The following HHAT variants were observed in gnomAD, a reference collection of about 807,000 sequenced individuals.
HHAT encodes the protein protein-cysteine N-palmitoyltransferase HHAT.
A neutral mutation model predicts 70.8 loss-of-function variants in HHAT; 47 were observed. The observed-to-expected ratio is 0.66, with a 90% CI of 0.53 to 0.85. HHAT has a LOEUF of 0.85. Ranked by LOEUF, HHAT falls within the 40% of genes least tolerant of loss-of-function variation. The pLI, the probability that HHAT is intolerant of heterozygous loss-of-function variation, is 0.00. For synonymous variants in HHAT, 228 were observed against 247.6 expected (o/e 0.92, Z 0.74); for missense variants, 609 against 604.8 (o/e 1.01, Z -0.07).
chr1:210,557,554 G>A (rs1205421909), intron 9 of HHAT, among the ~76,000 whole-genome samples: 1 of 152,208 alleles, frequency 6.6e-6, no homozygotes, highest in Non-Finnish European at 1.5e-5. Context: ...AAAAAGAGGT[G>A]TAATTGGACT....
chr1:210,352,816 C>T (rs1304305224), intron 2 of HHAT, among the ~76,000 whole-genome samples: 4 of 152,098 alleles, frequency 2.6e-5, no homozygotes, highest in South Asian at 4.1e-4. Context: ...GATAGTGATC[C>T]GCTATGCTGG....
At position 210,583,417 on chromosome 1, in the gene HHAT, C is replaced by T. The variant is rs1659704479; in HGVS notation, c.1044-4481C>T. ...TTTGCTGAGAAGGTGGTGCTGATTG[C>T]TTTCTTCCATTGGGAAATCAATTTA... On this transcript the variant is annotated intron_variant, in intron 9 of 11. Transcript: ENST00000261458. Among the ~76,000 whole-genome samples the T allele has an allele frequency of 2.6e-5, 4 of 152,314 alleles. No individual in the cohort carries two copies. In the South Asian group the frequency reaches 8.3e-4, roughly 32 times the overall value.
chr1:210,434,155 A>T (rs1408174442), intron 7 of HHAT, among the ~76,000 whole-genome samples: 4 of 151,936 alleles, frequency 2.6e-5, no homozygotes. Flanking sequence ...GGCCAATAAG[A>T]GGGGAATGAA....
chr1:210,361,747 G>A (rs1173195109), intron 2 of HHAT, among the ~76,000 whole-genome samples: 1 of 151,446 alleles, frequency 6.6e-6, no homozygotes. Context: ...GTCCTTTTTT[G>A]GGGGGGAATC....
At chr1:210,579,079 T>G (rs1268020070) in intron 9 of HHAT, among the ~76,000 whole-genome samples, 2 of 152,098 alleles carry the variant, frequency 1.3e-5, no homozygotes, top group African/African-American at 4.8e-5. Flanking sequence ...TTCTCACTTA[T>G]AAGTGGGAGC....
chr1:210,560,344 A>C (rs1380139305), intron 9 of HHAT, among the ~76,000 whole-genome samples: 1 of 152,174 alleles, frequency 6.6e-6, no homozygotes, highest in East Asian at 1.9e-4. Flanking sequence ...GGGAATGTCC[A>C]TATCTCACCT....
In HHAT at chr1:210,493,533, A is replaced by G. The variant is rs1372902406; in HGVS notation, c.1008-19620A>G. Reference sequence around the variant, plus strand: ...GTTCATCATATTTTGAAAATACCTTACCTGCAACATTTATACTGGTGTTTG... The same window carrying G: ...GTTCATCATATTTTGAAAATACCTTGCCTGCAACATTTATACTGGTGTTTG... On this transcript the variant is annotated intron_variant, in intron 8 of 11. Transcript: ENST00000261458. Among the ~76,000 whole-genome samples, 4 of 152,170 alleles carry G rather than the reference A, an allele frequency of 2.6e-5. No individual in the cohort carries two copies. The East Asian group carries it at 5.8e-4, about 22-fold the overall frequency.
chr1:210,484,996 C>CAGAGTA (rs2094453157), intron 8 of HHAT, among the ~76,000 whole-genome samples: 1 of 152,074 alleles, frequency 6.6e-6, no homozygotes, highest in Admixed American at 6.6e-5. Context: ...TGGCTATGTG[C>CAGAGTA]AGAGTAAGAT....
intron 2 of HHAT, among the ~76,000 whole-genome samples, chr1:210,352,373 T>A (rs1045334246): frequency 6.6e-6 from 1 of 152,194 alleles, no homozygotes; most frequent in Non-Finnish European, 1.5e-5. Context: ...GTTCAACTGA[T>A]ACAATGTTGA....
At chr1:210,348,736 C>CGTGTGTAT (rs2086744258) in intron 1 of HHAT, among the ~76,000 whole-genome samples, 197 bp from the exon 2 acceptor site, 1 of 148,034 alleles carries the variant, frequency 6.8e-6, no homozygotes, top group East Asian at 2.0e-4. Flanking sequence ...TGTATGTGTG[C>CGTGTGTAT]GTGTGTGTGT....
At chr1:210,502,024 CTTTT>C (rs76785301) in intron 8 of HHAT, among the ~76,000 whole-genome samples, 68 of 146,612 alleles carry the variant, frequency 4.6e-4, no homozygotes, top group South Asian at 3.0e-3. Context: ...TATTCTTCTT[CTTTT>C]TTTTTTTTTT....
intron 4 of HHAT, among the ~76,000 whole-genome samples, chr1:210,389,426 G>T (rs2091305110): frequency 6.6e-6 from 1 of 152,180 alleles, no homozygotes; most frequent in South Asian, 2.1e-4. Context: ...GACATGGTTT[G>T]GCTCTGTGTC....
At chr1:210,515,010 C>T (rs1031968962) in intron 9 of HHAT, among the ~76,000 whole-genome samples, 9 of 152,184 alleles carry the variant, frequency 5.9e-5, no homozygotes, top group African/African-American at 1.9e-4. Context: ...CTGGTATCCC[C>T]TTGCTCTGGC....
intron 9 of HHAT, among the ~76,000 whole-genome samples, chr1:210,562,818 A>G (rs1484935891): frequency 1.4e-5 from 1 of 72,992 alleles, no homozygotes; most frequent in East Asian, 5.3e-4. Flanking sequence ...CCCCCACCCC[A>G]CAACAGGCCC....
chr1:210,494,714 T>A (rs1336491883), intron 8 of HHAT, among the ~76,000 whole-genome samples: 1 of 151,764 alleles, frequency 6.6e-6, no homozygotes, highest in Non-Finnish European at 1.5e-5. Flanking sequence ...CCACCATGCC[T>A]GGCTAATTTT....
At chr1:210,536,510 T>C (rs2095373337) in intron 9 of HHAT, among the ~76,000 whole-genome samples, 1 of 152,268 alleles carries the variant, frequency 6.6e-6, no homozygotes, top group Non-Finnish European at 1.5e-5. Flanking sequence ...TTACAGCCTC[T>C]GCCTGTTAGT....
At chr1:210,654,569 C>A (rs1225490010) in intron 11 of HHAT, among the ~76,000 whole-genome samples, 1 of 152,238 alleles carries the variant, frequency 6.6e-6, no homozygotes, top group Non-Finnish European at 1.5e-5. Context: ...CCTACCCCAA[C>A]TGAAAGGCAG....
In HHAT at chr1:210,454,508, C is replaced by T. The variant is rs989832077; in HGVS notation, c.857-9997C>T. Among the ~76,000 whole-genome samples the T allele has an allele frequency of 3.0e-4, 45 of 152,190 alleles. 2 individuals carry two copies. Among genetic ancestry groups the T allele is most frequent in the Admixed American group, 9.2e-4 (14 of 15,288 alleles). ...GGTGGAGCTTGCAGTAAGCCGAGAT[C>T]GTGCCACTGCACTCCAGTCTGGGTG... On this transcript the variant is annotated intron_variant, in intron 7 of 11. Coordinates refer to ENST00000261458, the MANE Select transcript of HHAT (RefSeq NM_018194.6).
chr1:210,527,640 G>A (rs1203201460), intron 9 of HHAT, among the ~76,000 whole-genome samples: 2 of 152,096 alleles, frequency 1.3e-5, no homozygotes, highest in Non-Finnish European at 1.5e-5. Flanking sequence ...TTTGCTTAAG[G>A]TTTGGCGATT....
Sources: gnomAD v4.1 joint callset for allele counts (sites outside exome capture counted in the v4.1 genomes callset) on GRCh38, gnomAD v4.1.1 for gene constraint, MANE v1.5 for transcripts, NCBI Gene and HGNC (gene_info 2026-07-23, HGNC 2026-07-21) for gene names.